Variants in PPP1R13B observed in about 807,000 individuals in gnomAD.
PPP1R13B encodes protein phosphatase 1 regulatory subunit 13B.
A neutral mutation model predicts 119.8 loss-of-function variants in PPP1R13B; 44 were observed. That is an observed-to-expected ratio of 0.37 (90% CI 0.29 to 0.47). PPP1R13B has a LOEUF of 0.47. PPP1R13B is among the 20% of genes least tolerant of loss of function. The probability of loss-of-function intolerance (pLI) is 0.99; values close to 1 mark genes in which losing one functional copy is unlikely to be tolerated. For synonymous variants in PPP1R13B, 542 were observed against 561.5 expected, an observed-to-expected ratio of 0.97 and a Z score of 0.49; for missense variants, 1,227 against 1,413.5, an observed-to-expected ratio of 0.87 and a Z score of 2.12.
chr14:103,847,282 C>G lies in PPP1R13B; in HGVS notation c.9+17G>C. The G allele has an allele frequency of 8.1e-7, 1 of 1,231,548 alleles. No homozygotes were observed. The highest frequency in any genetic ancestry group is 1.0e-6 in the Non-Finnish European group (1 of 968,160). 76.3% of individuals were successfully genotyped at this position (1,231,548 alleles called of 1,614,324 possible). Reference sequence around the variant, plus strand: ...CGCGGAGGAAGCCGCCGCCACCTCCCGCCCGCCCTCACCCACCGGCATCAT... The same window carrying G: ...CGCGGAGGAAGCCGCCGCCACCTCCGGCCCGCCCTCACCCACCGGCATCAT... On this transcript the variant is annotated intron_variant, in intron 1 of 16. Coordinates refer to ENST00000202556, the MANE Select transcript of PPP1R13B (RefSeq NM_015316.3).
chr14:103,774,466 T>C (rs1343245176), intron 4 of PPP1R13B, among the ~76,000 whole-genome samples: 1 of 152,168 alleles, frequency 6.6e-6, no homozygotes, highest in African/African-American at 2.4e-5. Context: ...AACACAGGCA[T>C]ATATAATGAG....
At chr14:103,812,428 C>T (rs2086181795) in intron 1 of PPP1R13B, among the ~76,000 whole-genome samples, 2 of 150,526 alleles carry the variant, frequency 1.3e-5, no homozygotes, top group Admixed American at 1.3e-4. Flanking sequence ...GTGGCTGTTT[C>T]TGTGTTTTTG....
chr14:103,756,981 C>T (rs2084692838), intron 5 of PPP1R13B, among the ~76,000 whole-genome samples: 5 of 151,856 alleles, frequency 3.3e-5, no homozygotes, highest in Admixed American at 3.3e-4. Flanking sequence ...CCAGGATGGC[C>T]TCAATCTCCT....
intron 8 of PPP1R13B, among the ~76,000 whole-genome samples, chr14:103,748,876 C>T (rs994132821): frequency 6.6e-6 from 1 of 152,268 alleles, no homozygotes; most frequent in South Asian, 2.1e-4. Flanking sequence ...GAAAGACACC[C>T]GTGCTGCAGT....
chr14:103,765,061 G>A (rs111825579), intron 4 of PPP1R13B, among the ~76,000 whole-genome samples: 2 of 152,152 alleles, frequency 1.3e-5, no homozygotes, highest in East Asian at 1.9e-4. Flanking sequence ...CTCGTGATCC[G>A]CCCGCCTCGG....
At chr14:103,735,560 AAG>A (rs1244538056) in intron 16 of PPP1R13B, among the ~76,000 whole-genome samples, 11 of 152,166 alleles carry the variant, frequency 7.2e-5, no homozygotes, top group African/African-American at 2.4e-4. Flanking sequence ...GCAGGGCACA[AAG>A]AGAGCAGAGG....
At position 103,785,048 on chromosome 14, in the gene PPP1R13B, A is replaced by T. The variant is rs933227415; in HGVS notation, c.158-134T>A. ...CATGTTACAATTCAAAGATATTACA[A>T]GCACTGAATTTCAACATTACTGAGT... On this transcript the variant is annotated intron_variant, in intron 2 of 16. Transcript: ENST00000202556. The T allele has an allele frequency of 1.2e-4, 88 of 740,738 alleles. No homozygotes were observed. In the East Asian group the frequency reaches 2.8e-3, roughly 24 times the overall value. 45.9% of individuals were successfully genotyped at this position (740,738 alleles called of 1,614,324 possible). A position where few individuals can be genotyped will look rare whatever the true frequency, so the allele number is the denominator to read the frequency against.
chr14:103,738,488 AATC>A lies in PPP1R13B; in HGVS notation c.2864+188_2864+190del, dbSNP rs139836599. On this transcript the variant is annotated intron_variant, in intron 14 of 16. Coordinates refer to ENST00000202556, the MANE Select transcript of PPP1R13B (RefSeq NM_015316.3). The surrounding 1 kb of genome is among the most constrained non-coding windows in gnomAD (Gnocchi z 5.6). ...ATAACCACAGCCACGTTTTTAACAAAATCATCAAGAGAAAAGGCTGGAAAAAAA... is the reference window on the plus strand; with the variant it reads ...ATAACCACAGCCACGTTTTTAACAAAATCAAGAGAAAAGGCTGGAAAAAAA... 9.4e-4 allele frequency: 813 copies of A among 862,662 alleles called. 7 individuals carry two copies. In the African/African-American group the frequency reaches 0.012, roughly 13 times the overall value. 53.4% of individuals were successfully genotyped at this position (862,662 alleles called of 1,614,324 possible).
intron 1 of PPP1R13B, among the ~76,000 whole-genome samples, chr14:103,814,143 G>A (rs568478148): frequency 1.3e-5 from 2 of 152,112 alleles, no homozygotes; most frequent in African/African-American, 4.8e-5. Flanking sequence ...GAGGTCTGGA[G>A]TTCACGACCA....
intron 3 of PPP1R13B, among the ~76,000 whole-genome samples, chr14:103,779,864 T>G (rs1340943469): frequency 6.6e-6 from 1 of 151,882 alleles, no homozygotes; most frequent in African/African-American, 2.4e-5. Context: ...AAAAAGGCAT[T>G]TGCGGCCAGG....
At chr14:103,789,817 A>G (rs1385339594) in intron 2 of PPP1R13B, among the ~76,000 whole-genome samples, 2 of 151,938 alleles carry the variant, frequency 1.3e-5, no homozygotes, top group South Asian at 4.2e-4. Context: ...CCCAGCCTGC[A>G]ATTCTTGCTT....
chr14:103,775,305 C>T (rs1476040364), intron 4 of PPP1R13B, among the ~76,000 whole-genome samples: 5 of 149,702 alleles, frequency 3.3e-5, no homozygotes, highest in Non-Finnish European at 7.4e-5. Flanking sequence ...GACAGAGTCT[C>T]GCTCTGTCAC....
chr14:103,761,744 C>T (rs993871049), intron 4 of PPP1R13B, among the ~76,000 whole-genome samples: 1 of 141,168 alleles, frequency 7.1e-6, no homozygotes, highest in Non-Finnish European at 1.5e-5. Flanking sequence ...GCCTGGGCAA[C>T]AGAGCAAGAC....
rs556131312 is a variant in PPP1R13B at position 103,836,928 on chromosome 14, ATC to A, written c.9+10369_9+10370del. 1.5e-3 allele frequency among the ~76,000 whole-genome samples: 233 copies of A among 152,292 alleles called. 1 individual carries two copies. The highest frequency in any genetic ancestry group is 5.4e-3 in the African/African-American group (225 of 41,568). On this transcript the variant is annotated intron_variant, in intron 1 of 16. Coordinates refer to ENST00000202556, the MANE Select transcript of PPP1R13B (RefSeq NM_015316.3). ...CACAAATACTAGCTCTATCACAAAA[ATC>A]TCTGTTTATACTTTGGTAATTTGTG...
At chr14:103,841,296 A>AT (rs1190286341) in intron 1 of PPP1R13B, among the ~76,000 whole-genome samples, 1 of 151,886 alleles carries the variant, frequency 6.6e-6, no homozygotes, top group African/African-American at 2.4e-5. Flanking sequence ...AAAAAAAAAA[A>AT]TTTTTTTTAG....
chr14:103,837,987 C>T (rs867307212), intron 1 of PPP1R13B, among the ~76,000 whole-genome samples: 1 of 152,028 alleles, frequency 6.6e-6, no homozygotes, highest in African/African-American at 2.4e-5. Flanking sequence ...GGCATGGTGG[C>T]GCACACCTGT....
intron 1 of PPP1R13B, among the ~76,000 whole-genome samples, chr14:103,827,674 AGATAT>A (rs1182081007): frequency 6.7e-6 from 1 of 149,544 alleles, no homozygotes; most frequent in Non-Finnish European, 1.5e-5. Context: ...ATATAAATAT[AGATAT>A]GATATACTAT....
rs964651484 is a variant in PPP1R13B at position 103,814,997 on chromosome 14, G to A, written c.10-17479C>T. On this transcript the variant is annotated intron_variant, in intron 1 of 16. Transcript: ENST00000202556. ...AAATAGATGTTTATGTAAAAACTTG[G>A]AAATATTTATGGTATTATTCATAAT... 7.2e-5 allele frequency among the ~76,000 whole-genome samples: 11 copies of A among 152,172 alleles called. No individual in the cohort carries two copies. In the East Asian group the frequency reaches 1.9e-3, roughly 27 times the overall value.
Position 103,733,674 on chromosome 14 carries a change from C to T in PPP1R13B, c.*1480G>A, listed in dbSNP as rs1316817935. 6.6e-6 allele frequency: 1 copy of T among 152,560 alleles called. No homozygotes were observed. The highest frequency in any genetic ancestry group is 2.4e-5 in the African/African-American group (1 of 41,452). The allele number at this position is 152,560 out of a possible 1,614,324, so 9.5% of individuals were successfully genotyped here. ...AACTATTTTGAACATACGGACAAGG[C>T]CTCGCCTTCCTGTGTCCAGATCACC... On this transcript the variant is annotated 3_prime_UTR_variant, in exon 17 of 17. Coordinates refer to ENST00000202556, the MANE Select transcript of PPP1R13B (RefSeq NM_015316.3).
Sources: gnomAD v4.1 joint callset for allele counts (sites outside exome capture counted in the v4.1 genomes callset) on GRCh38, gnomAD v4.1.1 for gene constraint, Gnocchi (gnomAD v3.1) non-coding constraint, MANE v1.5 for transcripts, NCBI Gene and HGNC (gene_info 2026-07-23, HGNC 2026-07-21) for gene names.